HHAT: variants seen among roughly 807,000 people sequenced by gnomAD.
The protein encoded by HHAT is hedgehog acyltransferase, also known as protein-cysteine N-palmitoyltransferase HHAT.
In HHAT, 47 loss-of-function variants were observed where a neutral mutation model predicts 70.8. The observed-to-expected ratio is 0.66, with a 90% confidence interval of 0.53 to 0.85. HHAT has a LOEUF of 0.85. Among genes scored for constraint, HHAT ranks in the 40% least tolerant of loss-of-function variants. The pLI, the probability that HHAT is intolerant of heterozygous loss-of-function variation, is 0.00. For missense variants in HHAT, 609 were observed against 604.8 expected (o/e 1.01, Z -0.07); for synonymous variants, 228 against 247.6 (o/e 0.92, Z 0.74).
chr1:210,617,856 G>T (rs1668051369), intron 10 of HHAT, among the ~76,000 whole-genome samples: 1 of 152,206 alleles, frequency 6.6e-6, no homozygotes, highest in Non-Finnish European at 1.5e-5. Context: ...TACACTTGAA[G>T]GAAGGAGGAG....
At chr1:210,481,123 G>A (rs886572552) in intron 8 of HHAT, among the ~76,000 whole-genome samples, 3 of 151,828 alleles carry the variant, frequency 2.0e-5, no homozygotes, top group Non-Finnish European at 2.9e-5. Context: ...AATAGAGCAG[G>A]ATGAGGAGGG....
intron 8 of HHAT, among the ~76,000 whole-genome samples, chr1:210,478,475 C>T (rs2094340197): frequency 6.8e-6 from 1 of 147,158 alleles, no homozygotes; most frequent in Non-Finnish European, 1.5e-5. Context: ...TGGTCCTTGG[C>T]TATTGGGATG....
chr1:210,661,876 C>G (rs1574079370), intron 11 of HHAT, among the ~76,000 whole-genome samples: 1 of 152,176 alleles, frequency 6.6e-6, no homozygotes, highest in African/African-American at 2.4e-5. Flanking sequence ...GGAGAAATAC[C>G]TAATGTAAAT....
At chr1:210,475,416 C>A (rs2094289612) in intron 8 of HHAT, among the ~76,000 whole-genome samples, 1 of 152,152 alleles carries the variant, frequency 6.6e-6, no homozygotes, top group Non-Finnish European at 1.5e-5. Context: ...GATATGATCA[C>A]CCTGTGTTTT....
At chr1:210,485,072 G>A (rs1359866925) in intron 8 of HHAT, among the ~76,000 whole-genome samples, 25 of 152,124 alleles carry the variant, frequency 1.6e-4, no homozygotes, top group Non-Finnish European at 8.8e-5. Context: ...GAACCTCAGT[G>A]TCTTGCCTCG....
intron 10 of HHAT, chr1:210,589,427 T>A (rs990051859): frequency 1.3e-5 from 2 of 152,250 alleles, no homozygotes; most frequent in Non-Finnish European, 2.9e-5. Context: ...AAGCCATGGC[T>A]ATGTAACACA....
chr1:210,497,065 GTTTA>G (rs1329362037), intron 8 of HHAT, among the ~76,000 whole-genome samples: 1 of 152,168 alleles, frequency 6.6e-6, no homozygotes, highest in African/African-American at 2.4e-5. Flanking sequence ...CTTTCTGCCT[GTTTA>G]TTCTTCTTAT....
intron 9 of HHAT, among the ~76,000 whole-genome samples, chr1:210,528,620 A>G (rs2095278294): frequency 6.6e-6 from 1 of 152,258 alleles, no homozygotes; most frequent in African/African-American, 2.4e-5. Flanking sequence ...AATGCATAGT[A>G]TAGCCTATTA....
chr1:210,618,971 G>C (rs945775892), intron 10 of HHAT, among the ~76,000 whole-genome samples: 1 of 152,178 alleles, frequency 6.6e-6, no homozygotes, highest in Non-Finnish European at 1.5e-5. Flanking sequence ...GTCTTAGACG[G>C]AAGTTTAAAG....
chr1:210,491,574 GTGT>G (rs2094552824), intron 8 of HHAT, among the ~76,000 whole-genome samples: 1 of 152,160 alleles, frequency 6.6e-6, no homozygotes, highest in African/African-American at 2.4e-5. Context: ...AACCTTGACA[GTGT>G]TGTTGAGAGC....
intron 1 of HHAT, 169 bp downstream of exon 1, chr1:210,329,273 G>C: frequency 6.0e-5 from 71 of 1,177,564 alleles, no homozygotes; most frequent in East Asian, 7.3e-5. Flanking sequence ...GGGCGAAGAA[G>C]ACAAAAGCGG....
At chr1:210,404,027 C>T (rs1034703633) in intron 5 of HHAT, among the ~76,000 whole-genome samples, 13 of 150,042 alleles carry the variant, frequency 8.7e-5, no homozygotes, top group African/African-American at 1.5e-4. Flanking sequence ...AAGAGGAAAA[C>T]GAAAAATACA....
At chr1:210,569,370 CCT>C (rs1655605485) in intron 9 of HHAT, among the ~76,000 whole-genome samples, 1 of 15,934 alleles carries the variant, frequency 6.3e-5, no homozygotes, top group African/African-American at 1.5e-4. Context: ...CCAGAGTCTG[CCT>C]CAAAAAAAAA....
chr1:210,386,256 T>TTTTA, intron 3 of HHAT, among the ~76,000 whole-genome samples: 1 of 109,722 alleles, frequency 9.1e-6, no homozygotes, highest in Non-Finnish European at 1.8e-5. Flanking sequence ...TTTTTTTTTT[T>TTTTA]GAGACAGAGT....
chr1:210,531,667 C>T (rs1333191285), intron 9 of HHAT, among the ~76,000 whole-genome samples: 1 of 152,178 alleles, frequency 6.6e-6, no homozygotes, highest in Admixed American at 6.5e-5. Flanking sequence ...TATCTCTTAT[C>T]TGTCCATCAG....
chr1:210,518,068 T>C (rs745980243), intron 9 of HHAT, among the ~76,000 whole-genome samples: 3 of 152,226 alleles, frequency 2.0e-5, no homozygotes, highest in Non-Finnish European at 4.4e-5. Flanking sequence ...ATTGGTCATC[T>C]CATACATTTA....
At chr1:210,626,562 T>G (rs562674615) in intron 11 of HHAT, among the ~76,000 whole-genome samples, 1 of 152,328 alleles carries the variant, frequency 6.6e-6, no homozygotes, top group South Asian at 2.1e-4. Context: ...GCTGGGGTTT[T>G]GGCAGTTGCC....
intron 7 of HHAT, among the ~76,000 whole-genome samples, chr1:210,422,165 A>G (rs2092922022): frequency 6.6e-6 from 1 of 152,256 alleles, no homozygotes; most frequent in South Asian, 2.1e-4. Flanking sequence ...TAATAATTGT[A>G]CATACTCATG....
chr1:210,673,972 A>T (rs7520525), intron 11 of HHAT, among the ~76,000 whole-genome samples: 42,109 of 110,856 alleles, frequency 0.38, 6,552 homozygotes, highest in Non-Finnish European at 0.43. Context: ...TTTTTTTTTT[A>T]TTATACTTTA....
Sources: allele counts gnomAD v4.1 joint callset (sites outside exome capture counted in the v4.1 genomes callset), GRCh38; gene constraint gnomAD v4.1.1; transcripts MANE v1.5; gene names NCBI Gene and HGNC (gene_info 2026-07-23, HGNC 2026-07-21).